CNST: variants seen among roughly 807,000 people sequenced by gnomAD.
CNST encodes consortin.
CNST carries 39 observed loss-of-function variants against 72.4 expected under a neutral mutation model. The observed-to-expected ratio is 0.54, with a 90% CI of 0.42 to 0.70. The LOEUF (loss-of-function observed/expected upper bound fraction) is 0.70, where lower values mean the gene tolerates loss of function less well. Among genes scored for constraint, CNST ranks in the 30% least tolerant of loss-of-function variants. The pLI, the probability that CNST is intolerant of heterozygous loss-of-function variation, is 0.00. For synonymous variants in CNST, 332 were observed against 320.1 expected (o/e 1.04, Z -0.40); for missense variants, 871 against 868.5 (o/e 1.00, Z -0.04).
chr1:246,605,421 A>G (rs181620968), intron 2 of CNST, among the ~76,000 whole-genome samples: 21 of 152,352 alleles, frequency 1.4e-4, no homozygotes, highest in Non-Finnish European at 2.1e-4. Context: ...CAAGGCTCTA[A>G]TATCAGTTGG....
At chr1:246,615,979 G>C (rs149752840) in intron 2 of CNST, among the ~76,000 whole-genome samples, 2 of 152,084 alleles carry the variant, frequency 1.3e-5, no homozygotes, top group African/African-American at 2.4e-5. Context: ...CTTAAATTAG[G>C]TCTTATGAAT....
rs1666189200 is a variant in CNST at position 246,647,681 on chromosome 1, G to A, written c.1480G>A (p.Gly494Arg). 1 of 1,614,116 alleles carries A rather than the reference G, an allele frequency of 6.2e-7. No homozygotes were observed. Among genetic ancestry groups the A allele is most frequent in the South Asian group, 1.1e-5 (1 of 91,060 alleles). Residue 494 changes from glycine (G) to arginine (R), a missense_variant, in exon 9 of 11, where the codon GGA becomes AGA. Gly to Arg is a moderately radical substitution (Grantham distance 125). Coordinates refer to ENST00000366513, the MANE Select transcript of CNST (RefSeq NM_152609.3). The part of the protein sequence containing the change: ...LQQPDLTDSD[G>R]KSPQAQADSD... ...GCAGCCTGATCTTACAGACAGTGAT[G>A]GAAAATCACCACAGGCGCAGGCTGA... is the stretch of plus-strand genomic sequence containing the variant.
intron 1 of CNST, among the ~76,000 whole-genome samples, chr1:246,581,448 A>G (rs1030279904): frequency 3.9e-5 from 6 of 152,158 alleles, no homozygotes; most frequent in Non-Finnish European, 8.8e-5. Context: ...TTTTTAGTAG[A>G]GACAGGGTTT....
At chr1:246,623,106 G>A (rs548489315) in intron 3 of CNST, among the ~76,000 whole-genome samples, 4 of 152,282 alleles carry the variant, frequency 2.6e-5, no homozygotes, top group Non-Finnish European at 4.4e-5. Context: ...TAACAGGCGC[G>A]AGCCGCTGCA....
chr1:246,570,259 G>A lies in CNST; in HGVS notation c.-52+3596G>A, dbSNP rs149300500. On this transcript the variant is annotated intron_variant, in intron 1 of 10. Coordinates refer to ENST00000366513, the MANE Select transcript of CNST (RefSeq NM_152609.3). ...TTTTGCAACAAGGGTGGTGATTTAC[G>A]TAGAACCGTCAGTGGTTCAGAGCTG... Among the ~76,000 whole-genome samples, 662 of 152,240 alleles carry A rather than the reference G, an allele frequency of 4.3e-3. 3 individuals are homozygous for A. The highest frequency in any genetic ancestry group is 0.015 in the African/African-American group (635 of 41,532).
chr1:246,638,154 G>A (rs546651606), intron 6 of CNST, among the ~76,000 whole-genome samples: 3 of 152,292 alleles, frequency 2.0e-5, no homozygotes, highest in East Asian at 1.9e-4. Flanking sequence ...TTGGAGGATA[G>A]GCATTGTTTG....
chr1:246,570,352 G>C (rs146229862), intron 1 of CNST, among the ~76,000 whole-genome samples: 72 of 152,306 alleles, frequency 4.7e-4, no homozygotes, highest in African/African-American at 1.7e-3. Flanking sequence ...CATTGTTCCT[G>C]TCTTGACCTC....
chr1:246,582,317 A>ATC (rs1212076153), intron 1 of CNST, among the ~76,000 whole-genome samples: 2 of 150,568 alleles, frequency 1.3e-5, no homozygotes, highest in African/African-American at 4.9e-5. Context: ...TACCTTCCAC[A>ATC]TCTACTCAGT....
intron 2 of CNST, among the ~76,000 whole-genome samples, chr1:246,600,024 A>C (rs1662164663): frequency 6.6e-6 from 1 of 152,100 alleles, no homozygotes. Flanking sequence ...TGTCCTGGAG[A>C]GTTAGAGAAG....
chr1:246,591,417 C>A (rs1661534003), intron 1 of CNST, 95 bp from the exon 2 acceptor site: 1 of 899,826 alleles, frequency 1.1e-6, no homozygotes. Flanking sequence ...TCCCTATTTA[C>A]AATGAAACAA....
chr1:246,592,603 C>T (rs1322971172), intron 2 of CNST, among the ~76,000 whole-genome samples: 3 of 152,224 alleles, frequency 2.0e-5, no homozygotes, highest in African/African-American at 4.8e-5. Context: ...CCATTTTCTA[C>T]CAATATCAAC....
At chr1:246,579,108 T>C (rs139838763) in intron 1 of CNST, among the ~76,000 whole-genome samples, 71 of 152,378 alleles carry the variant, frequency 4.7e-4, no homozygotes, top group African/African-American at 1.7e-3. Context: ...AGTGATTTAT[T>C]TGAGCTTAAA....
At chr1:246,649,603 G>A (rs1666337906) in intron 9 of CNST, among the ~76,000 whole-genome samples, 1 of 151,478 alleles carries the variant, frequency 6.6e-6, no homozygotes, top group African/African-American at 2.4e-5. Context: ...TACCTTTTTA[G>A]GTATAAACTG....
At chr1:246,657,798 G>T (rs1232765332) in intron 9 of CNST, among the ~76,000 whole-genome samples, 1 of 152,128 alleles carries the variant, frequency 6.6e-6, no homozygotes, top group Non-Finnish European at 1.5e-5. Flanking sequence ...CTTTCCAGAT[G>T]ATTTCAGGAG....
rs147341233 is a variant in CNST, at chr1:246,568,039, G to A, written c.-52+1376G>A. Among the ~76,000 whole-genome samples the A allele has an allele frequency of 3.2e-4, 48 of 152,190 alleles. No individual in the cohort carries two copies. In the East Asian group the frequency reaches 8.9e-3, roughly 28 times the overall value. On this transcript the variant is annotated intron_variant, in intron 1 of 10. Transcript: ENST00000366513. The stretch of plus-strand genomic sequence containing the variant: ...GTGGTGGCTGGGTATGGTAGTTCAT[G>A]CCTGTAATCCCAGCACTTTGGGAGG...
chr1:246,624,826 G>A (rs1004860969), intron 3 of CNST, among the ~76,000 whole-genome samples: 1 of 152,158 alleles, frequency 6.6e-6, no homozygotes, highest in East Asian at 1.9e-4. Context: ...GCTAATTTTT[G>A]TATTTTTAGT....
chr1:246,652,522 G>A (rs1304271229), intron 9 of CNST, among the ~76,000 whole-genome samples: 1 of 152,212 alleles, frequency 6.6e-6, no homozygotes, highest in Non-Finnish European at 1.5e-5. Context: ...AACATGATAT[G>A]CTGTGTGGAG....
chr1:246,586,083 G>A (rs1427223658), intron 1 of CNST, among the ~76,000 whole-genome samples: 1 of 134,484 alleles, frequency 7.4e-6, no homozygotes, highest in African/African-American at 2.8e-5. Context: ...ATGTCTTGGG[G>A]GAGAGGGGGA....
intron 6 of CNST, among the ~76,000 whole-genome samples, chr1:246,635,266 G>A (rs35346822): frequency 0.29 from 43,055 of 149,970 alleles, 6,945 homozygotes; most frequent in East Asian, 0.67. Context: ...CCATCGTGTC[G>A]TTGTAGCAGG....
Sources: gnomAD v4.1 joint callset for allele counts (sites outside exome capture counted in the v4.1 genomes callset) on GRCh38, gnomAD v4.1.1 for gene constraint, MANE v1.5 for transcripts, NCBI Gene and HGNC (gene_info 2026-07-23, HGNC 2026-07-21) for gene names.